The following FHOD3 variants were observed in gnomAD, a reference collection of about 807,000 sequenced individuals.
FHOD3 encodes FH1/FH2 domain-containing protein 3.
A neutral mutation model predicts 173.0 loss-of-function variants in FHOD3; 90 were observed. That is an observed-to-expected ratio of 0.52 (90% CI 0.44 to 0.62). The LOEUF (loss-of-function observed/expected upper bound fraction) is 0.62. Among genes scored for constraint, FHOD3 ranks in the 20% least tolerant of loss-of-function variants. The probability of loss-of-function intolerance (pLI) is 0.00; values close to 1 mark genes in which losing one functional copy is unlikely to be tolerated. For synonymous variants in FHOD3, 828 were observed against 823.0 expected, an observed-to-expected ratio of 1.01 and a Z score of -0.10; for missense variants, 1,945 against 2,034.7, an observed-to-expected ratio of 0.96 and a Z score of 0.85.
At chr18:36,571,598 C>T (rs1255735731) in intron 5 of FHOD3, among the ~76,000 whole-genome samples, 1 of 152,154 alleles carries the variant, frequency 6.6e-6, no homozygotes, top group Non-Finnish European at 1.5e-5. Flanking sequence ...TAGGAAGAAT[C>T]ATACTACCTG....
intron 3 of FHOD3, among the ~76,000 whole-genome samples, chr18:36,461,363 T>C (rs1278416694): frequency 6.6e-6 from 1 of 152,146 alleles, no homozygotes; most frequent in East Asian, 1.9e-4. Flanking sequence ...TTCTCACCCT[T>C]TTCTATTAGA....
At chr18:36,528,343 T>C (rs1168785746) in intron 5 of FHOD3, among the ~76,000 whole-genome samples, 2 of 152,224 alleles carry the variant, frequency 1.3e-5, no homozygotes, top group Non-Finnish European at 2.9e-5. Flanking sequence ...GCTGCCATAC[T>C]GTAAAACGGG....
intron 5 of FHOD3, among the ~76,000 whole-genome samples, chr18:36,554,704 A>G (rs1286309092): frequency 6.6e-6 from 1 of 152,248 alleles, no homozygotes; most frequent in Non-Finnish European, 1.5e-5. Flanking sequence ...GCAGCCATCT[A>G]GTCCTAGCGA....
At chr18:36,356,669 T>C (rs991297134) in intron 2 of FHOD3, among the ~76,000 whole-genome samples, 1 of 151,646 alleles carries the variant, frequency 6.6e-6, no homozygotes, top group Admixed American at 6.6e-5. Context: ...GGAATCTCGC[T>C]CTGTCACCCA....
At chr18:36,691,067 T>C (rs951946752) in intron 16 of FHOD3, among the ~76,000 whole-genome samples, 17 of 152,190 alleles carry the variant, frequency 1.1e-4, no homozygotes, top group Admixed American at 5.2e-4. Context: ...GAGTCAAATA[T>C]ATACAGGCTC....
intron 2 of FHOD3, among the ~76,000 whole-genome samples, chr18:36,361,883 A>C (rs2046642534): frequency 6.6e-6 from 1 of 152,094 alleles, no homozygotes. Context: ...GTGATTTTCA[A>C]AGCTTCCAGG....
chr18:36,720,161 T>G (rs2040679501), intron 19 of FHOD3, among the ~76,000 whole-genome samples: 1 of 151,922 alleles, frequency 6.6e-6, no homozygotes, highest in Admixed American at 6.6e-5. Flanking sequence ...ACACCCACTC[T>G]TGGTGTGTCT....
chr18:36,773,449 C>T (rs1160160275), intron 28 of FHOD3, among the ~76,000 whole-genome samples: 1 of 152,156 alleles, frequency 6.6e-6, no homozygotes, highest in African/African-American at 2.4e-5. Context: ...TTTTTGCTGC[C>T]AAGTTCAAAT....
intron 1 of FHOD3, among the ~76,000 whole-genome samples, chr18:36,316,892 G>T (rs1209883811): frequency 7.2e-6 from 1 of 139,364 alleles, no homozygotes; most frequent in African/African-American, 2.6e-5. Flanking sequence ...CCCCCTGACA[G>T]GCCCCAGTGT....
At chr18:36,416,686 G>A (rs2049669304) in intron 3 of FHOD3, among the ~76,000 whole-genome samples, 1 of 152,080 alleles carries the variant, frequency 6.6e-6, no homozygotes, top group South Asian at 2.1e-4. Flanking sequence ...CTTTTGCATC[G>A]CTCTCCCTGT....
At chr18:36,614,301 A>G (rs1367125203) in intron 9 of FHOD3, among the ~76,000 whole-genome samples, 1 of 152,208 alleles carries the variant, frequency 6.6e-6, no homozygotes, top group African/African-American at 2.4e-5. Context: ...CGTGTTTTCA[A>G]GGTTCACCTA....
intron 5 of FHOD3, among the ~76,000 whole-genome samples, chr18:36,536,672 TA>T (rs2057008285): frequency 6.6e-6 from 1 of 152,026 alleles, no homozygotes; most frequent in African/African-American, 2.4e-5. Flanking sequence ...AGCATCTGGT[TA>T]GGATCAAAGG....
At chr18:36,299,283 T>C (rs2091894681) in intron 1 of FHOD3, among the ~76,000 whole-genome samples, 1 of 152,228 alleles carries the variant, frequency 6.6e-6, no homozygotes, top group Non-Finnish European at 1.5e-5. Flanking sequence ...TGGAAACCTC[T>C]CTGGCCACAA....
At chr18:36,612,638 G>A (rs748244804) in intron 9 of FHOD3, among the ~76,000 whole-genome samples, 7 of 152,098 alleles carry the variant, frequency 4.6e-5, no homozygotes, top group Non-Finnish European at 7.3e-5. Flanking sequence ...TGTAATTGTC[G>A]TAAGGAAAGA....
chr18:36,562,984 G>C (rs75072036), intron 5 of FHOD3, among the ~76,000 whole-genome samples: 4 of 152,130 alleles, frequency 2.6e-5, no homozygotes. Flanking sequence ...CTGGGATGCC[G>C]GCCATCATGT....
chr18:36,512,146 G>A (rs1174502271), intron 4 of FHOD3, among the ~76,000 whole-genome samples: 1 of 152,256 alleles, frequency 6.6e-6, no homozygotes, highest in Non-Finnish European at 1.5e-5. Context: ...GGTGTTTCTT[G>A]AAGAATGAAA....
intron 1 of FHOD3, among the ~76,000 whole-genome samples, chr18:36,326,894 C>G (rs1474557745): frequency 6.6e-6 from 1 of 152,144 alleles, no homozygotes; most frequent in Non-Finnish European, 1.5e-5. Context: ...GAGCAGATAC[C>G]CAGCCCAACT....
At chr18:36,539,351 A>G (rs1599568224) in intron 5 of FHOD3, among the ~76,000 whole-genome samples, 2 of 152,204 alleles carry the variant, frequency 1.3e-5, no homozygotes, top group African/African-American at 4.8e-5. Flanking sequence ...GACTTTAACT[A>G]TTTGAATAAT....
chr18:36,329,427 G>A (rs953026829), intron 1 of FHOD3, among the ~76,000 whole-genome samples: 1 of 152,176 alleles, frequency 6.6e-6, no homozygotes, highest in Non-Finnish European at 1.5e-5. Flanking sequence ...TTACCCAACA[G>A]TATGTAATGG....
Sources: allele counts gnomAD v4.1 joint callset (sites outside exome capture counted in the v4.1 genomes callset), GRCh38; gene constraint gnomAD v4.1.1; transcripts MANE v1.5; gene names NCBI Gene and HGNC (gene_info 2026-07-23, HGNC 2026-07-21).